Variants in GPC6 observed in about 807,000 individuals in gnomAD.
GPC6 encodes glypican 6.
GPC6 carries 14 observed loss-of-function variants against 55.2 expected under a neutral mutation model. The ratio of observed to expected loss-of-function variants is 0.25; its 90% confidence interval spans 0.17 to 0.40. The LOEUF (loss-of-function observed/expected upper bound fraction) is 0.40. Ranked by LOEUF, GPC6 falls within the 10% of genes least tolerant of loss-of-function variation. The probability of loss-of-function intolerance (pLI) is 1.00; values close to 1 mark genes in which losing one functional copy is unlikely to be tolerated. For missense variants in GPC6, 641 were observed against 708.5 expected (o/e 0.90, Z 1.08); for synonymous variants, 278 against 259.6 (o/e 1.07, Z -0.68).
chr13:94,025,751 G>C (rs1882872533), intron 3 of GPC6, among the ~76,000 whole-genome samples: 1 of 152,034 alleles, frequency 6.6e-6, no homozygotes, highest in African/African-American at 2.4e-5. Context: ...TAATCGATAG[G>C]AAACCCTTCT....
intron 4 of GPC6, among the ~76,000 whole-genome samples, chr13:94,178,859 G>A (rs528813339): frequency 3.9e-5 from 6 of 152,312 alleles, no homozygotes; most frequent in Non-Finnish European, 7.3e-5. Context: ...GAATCTAAAC[G>A]GTTGGATGTT....
At chr13:93,479,855 GA>G (rs1879449242) in intron 1 of GPC6, among the ~76,000 whole-genome samples, 1 of 152,090 alleles carries the variant, frequency 6.6e-6, no homozygotes, top group Non-Finnish European at 1.5e-5. Flanking sequence ...TTAAAACAAT[GA>G]TTTATTTCTC....
Position 93,227,180 on chromosome 13 carries a change from C to G in GPC6, c.-277C>G. ...AAACACTTCTTTTCCTTCTCTTCCT[C>G]GTTTTGATTGCACCGTTTCCATCTG... On this transcript the variant is annotated 5_prime_UTR_variant, in exon 1 of 9. Coordinates refer to ENST00000377047, the MANE Select transcript of GPC6 (RefSeq NM_005708.5). This position sits in a 1 kb window ranked among gnomAD's most constrained non-coding sequence, Gnocchi z 4.3. 2.9e-6 allele frequency: 1 copy of G among 346,620 alleles called. No individual in the cohort carries two copies. The allele number at this position is 346,620 out of a possible 1,614,324, so 21.5% of individuals were successfully genotyped here.
chr13:93,934,490 T>C (rs2140357438), intron 3 of GPC6, among the ~76,000 whole-genome samples: 1 of 152,314 alleles, frequency 6.6e-6, no homozygotes, highest in African/African-American at 2.4e-5. Context: ...CTTGACACTA[T>C]ACAATTCTAT....
intron 2 of GPC6, among the ~76,000 whole-genome samples, chr13:93,765,311 T>TGTCTGGAAAGACAACTTTTCAGATAAGC (rs1368557718): frequency 2.9e-5 from 1 of 34,084 alleles, no homozygotes; most frequent in Admixed American, 3.3e-4. Flanking sequence ...GACAACTTAT[T>TGTCTGGAAAGACAACTTTTCAGATAAGC]TGGTTTAAGT....
At chr13:93,797,508 G>A (rs1886236981) in intron 2 of GPC6, among the ~76,000 whole-genome samples, 1 of 152,100 alleles carries the variant, frequency 6.6e-6, no homozygotes, top group South Asian at 2.1e-4. Flanking sequence ...TGATTCTACT[G>A]GGCACTAAAT....
At position 93,923,754 on chromosome 13, in the gene GPC6, G is replaced by A. The variant is rs556435461; in HGVS notation, c.711+93209G>A. ...TGGTCAGTGGCAGCTGTGCTAGTCT[G>A]GAAGGTAAGGCTGTTAACATGTACT... On this transcript the variant is annotated intron_variant, in intron 3 of 8. Transcript: ENST00000377047. Among the ~76,000 whole-genome samples the A allele has an allele frequency of 1.0e-3, 157 of 152,294 alleles. 1 individual carries two copies. Among genetic ancestry groups the A allele is most frequent in the African/African-American group, 3.5e-3 (146 of 41,572 alleles).
At chr13:93,932,699 C>T (rs1385188041) in intron 3 of GPC6, among the ~76,000 whole-genome samples, 1 of 152,094 alleles carries the variant, frequency 6.6e-6, no homozygotes, top group Non-Finnish European at 1.5e-5. Flanking sequence ...CCCTTCCTGG[C>T]TCTGGGACCG....
chr13:93,803,149 A>G (rs1253211656), intron 2 of GPC6, among the ~76,000 whole-genome samples: 1 of 152,184 alleles, frequency 6.6e-6, no homozygotes, highest in South Asian at 2.1e-4. Flanking sequence ...CAGCAAAATT[A>G]TGAGTCCTAA....
intron 3 of GPC6, among the ~76,000 whole-genome samples, chr13:94,022,894 G>C (rs111711648): frequency 0.02 from 3,053 of 152,090 alleles, 105 homozygotes; most frequent in African/African-American, 0.068. Flanking sequence ...ATAAGTCCTT[G>C]ATAAAAGATT....
intron 1 of GPC6, among the ~76,000 whole-genome samples, chr13:93,407,714 G>A (rs976843433): frequency 1.3e-5 from 2 of 152,154 alleles, no homozygotes; most frequent in African/African-American, 2.4e-5. Context: ...TATTATGCCA[G>A]AAGCCTTGGA....
At chr13:94,194,521 T>C (rs1889500959) in intron 4 of GPC6, among the ~76,000 whole-genome samples, 1 of 152,168 alleles carries the variant, frequency 6.6e-6, no homozygotes. Flanking sequence ...AAACATTGTA[T>C]GTTCTCACTC....
At chr13:93,881,470 G>C (rs1396751631) in intron 3 of GPC6, among the ~76,000 whole-genome samples, 1 of 151,948 alleles carries the variant, frequency 6.6e-6, no homozygotes, top group African/African-American at 2.4e-5. Context: ...ATATAATTTA[G>C]GGCCAATGTA....
At position 94,056,749 on chromosome 13, in the gene GPC6, G is replaced by A. The variant is rs375772090; in HGVS notation, c.877+28855G>A. 5.6e-4 allele frequency among the ~76,000 whole-genome samples: 86 copies of A among 152,248 alleles called. 1 individual carries two copies. In the South Asian group the frequency reaches 0.012, roughly 21 times the overall value. ...TAATGGAAAAATCCATTAGTCCAAC[G>A]ATAATTTCTCCCATAACACTGAAAT... On this transcript the variant is annotated intron_variant, in intron 4 of 8. Coordinates refer to ENST00000377047, the MANE Select transcript of GPC6 (RefSeq NM_005708.5).
intron 2 of GPC6, among the ~76,000 whole-genome samples, chr13:93,759,244 C>T (rs554593102): frequency 6.6e-6 from 1 of 152,276 alleles, no homozygotes; most frequent in East Asian, 1.9e-4. Context: ...GACTTACCAT[C>T]CTGAGGACAA....
intron 1 of GPC6, among the ~76,000 whole-genome samples, chr13:93,437,353 T>A (rs985362442): frequency 6.6e-6 from 1 of 152,172 alleles, no homozygotes; most frequent in Non-Finnish European, 1.5e-5. Flanking sequence ...GGAAGGCACG[T>A]TGAAAGCCAA....
chr13:94,255,440 C>T (rs1028427696), intron 4 of GPC6, among the ~76,000 whole-genome samples: 1 of 152,122 alleles, frequency 6.6e-6, no homozygotes, highest in Non-Finnish European at 1.5e-5. Flanking sequence ...ACTATAGAAA[C>T]AGGGAGGAAA....
At chr13:94,236,105 A>G (rs1363156278) in intron 4 of GPC6, among the ~76,000 whole-genome samples, 2 of 152,160 alleles carry the variant, frequency 1.3e-5, no homozygotes, top group Non-Finnish European at 2.9e-5. Flanking sequence ...GGAGTTTAAT[A>G]ACTGCTATCT....
At chr13:93,896,985 CTT>C (rs3043489) in intron 3 of GPC6, among the ~76,000 whole-genome samples, 32,459 of 138,812 alleles carry the variant, frequency 0.23, 3,892 homozygotes, top group Admixed American at 0.33. Flanking sequence ...CCTCATTATT[CTT>C]TTTTTTTTTT....
Sources: allele counts gnomAD v4.1 joint callset (sites outside exome capture counted in the v4.1 genomes callset), GRCh38; gene constraint gnomAD v4.1.1; non-coding constraint Gnocchi (gnomAD v3.1); transcripts MANE v1.5; gene names NCBI Gene and HGNC (gene_info 2026-07-23, HGNC 2026-07-21).